The following GRIK4 variants were observed in gnomAD, a reference collection of about 807,000 sequenced individuals.
GRIK4 encodes glutamate ionotropic receptor kainate type subunit 4, also known as glutamate receptor ionotropic, kainate 4.
Under a neutral mutation model 104.9 loss-of-function variants are expected in GRIK4, and 40 were observed. The ratio of observed to expected loss-of-function variants is 0.38; its 90% CI spans 0.30 to 0.50. GRIK4 has a LOEUF of 0.50. Ranked by LOEUF, GRIK4 falls within the 20% of genes least tolerant of loss-of-function variation. GRIK4 has a pLI of 0.93. For synonymous variants in GRIK4, 485 were observed against 524.9 expected (o/e 0.92, Z 1.04); for missense variants, 1,047 against 1,308.1 (o/e 0.80, Z 3.08).
At chr11:120,824,440 C>T (rs1645588109) in intron 6 of GRIK4, among the ~76,000 whole-genome samples, 1 of 152,198 alleles carries the variant, frequency 6.6e-6, no homozygotes. Context: ...CGCGGATCTA[C>T]CTGTTGACCT....
chr11:120,679,699 G>C (rs1950159897), intron 3 of GRIK4, among the ~76,000 whole-genome samples: 1 of 152,190 alleles, frequency 6.6e-6, no homozygotes, highest in South Asian at 2.1e-4. Context: ...AACCTCCCCT[G>C]CCCACCTCAG....
At chr11:120,726,022 C>A (rs955054586) in intron 3 of GRIK4, among the ~76,000 whole-genome samples, 5 of 152,164 alleles carry the variant, frequency 3.3e-5, no homozygotes, top group Non-Finnish European at 4.4e-5. Flanking sequence ...GAAGGCTTCT[C>A]TGAGTTATAC....
In GRIK4 at chr11:120,875,160, G is replaced by A. The variant is rs760568696; in HGVS notation, c.1081G>A (p.Gly361Ser). ...LRMVELEGLTGHIEFNSKGQR... is the reference protein window; with the variant it reads ...LRMVELEGLTSHIEFNSKGQR... The stretch of plus-strand genomic sequence containing the variant: ...ACAGGTAGAATTGGAAGGTCTTACC[G>A]GCCACATTGAATTCAACAGCAAAGG... The change falls in exon 11 of 21, where the codon GGC becomes AGC. Residue 361 changes from glycine to serine, a missense_variant. Around this residue, in one of 3 missense-constraint regions of GRIK4, gnomAD observed 447 missense variants for 514.9 expected, o/e 0.87. Coordinates refer to ENST00000527524, the MANE Select transcript of GRIK4 (RefSeq NM_014619.5). 9 of 1,610,252 alleles carry A rather than the reference G, an allele frequency of 5.6e-6. No individual in the cohort carries two copies. Among genetic ancestry groups the A allele is most frequent in the South Asian group, 3.3e-5 (3 of 90,970 alleles).
chr11:120,720,671 T>C (rs1013263826), intron 3 of GRIK4, among the ~76,000 whole-genome samples: 5 of 152,074 alleles, frequency 3.3e-5, no homozygotes, highest in African/African-American at 1.2e-4. Flanking sequence ...GGATAGGCAA[T>C]TGTGATTTGA....
intron 19 of GRIK4, among the ~76,000 whole-genome samples, chr11:120,981,882 G>A (rs1280032949): frequency 6.6e-6 from 1 of 152,182 alleles, no homozygotes; most frequent in African/African-American, 2.4e-5. Flanking sequence ...TTGATGGCAA[G>A]ATCTCTCTCT....
chr11:120,946,431 C>T (rs2134667341), intron 14 of GRIK4, among the ~76,000 whole-genome samples: 1 of 152,310 alleles, frequency 6.6e-6, no homozygotes, highest in East Asian at 1.9e-4. Context: ...GAGGCTGAGG[C>T]AGGAGTATCA....
intron 1 of GRIK4, among the ~76,000 whole-genome samples, chr11:120,643,024 C>G (rs1949489666): frequency 6.6e-6 from 1 of 152,112 alleles, no homozygotes; most frequent in Non-Finnish European, 1.5e-5. Context: ...ACATGTTTCC[C>G]ATACTCATTC....
In GRIK4 at chr11:120,962,774, C is replaced by A. The variant is rs545337297; in HGVS notation, c.2266+93C>A. The A allele has an allele frequency of 1.1e-5, 9 of 793,326 alleles. No individual in the cohort carries two copies. The East Asian group carries it at 1.7e-4, about 15-fold the overall frequency. 49.1% of individuals were successfully genotyped at this position (793,326 alleles called of 1,614,324 possible). A position where few individuals can be genotyped will look rare whatever the true frequency, so the allele number is the denominator to read the frequency against. On this transcript the variant is annotated intron_variant, in intron 18 of 20. Coordinates refer to ENST00000527524, the MANE Select transcript of GRIK4 (RefSeq NM_014619.5). ...TGAATACAGCATTGAATCCAGTACC[C>A]CCTGTTGTTAGAACCAGTTTAACAG...
chr11:120,585,263 C>T (rs550570991), intron 1 of GRIK4, among the ~76,000 whole-genome samples: 1 of 152,234 alleles, frequency 6.6e-6, no homozygotes, highest in Non-Finnish European at 1.5e-5. Flanking sequence ...GTGCTGTGAA[C>T]ATGGGTACAC....
At chr11:120,916,306 C>A (rs1022677263) in intron 13 of GRIK4, among the ~76,000 whole-genome samples, 2 of 143,220 alleles carry the variant, frequency 1.4e-5, no homozygotes, top group African/African-American at 6.0e-5. Flanking sequence ...CAGATGCGAG[C>A]AGAAGTTATT....
intron 7 of GRIK4, among the ~76,000 whole-genome samples, chr11:120,834,619 G>A (rs1002782561): frequency 5.3e-5 from 8 of 152,210 alleles, no homozygotes; most frequent in Admixed American, 6.5e-5. Flanking sequence ...GGGAAGCAGA[G>A]TGGGCAGGGA....
At chr11:120,802,922 G>A (rs1952647659) in intron 4 of GRIK4, 65 bp downstream of exon 4, 2 of 1,379,108 alleles carry the variant, frequency 1.5e-6, no homozygotes, top group African/African-American at 2.8e-5. Flanking sequence ...AGTGGTGTGA[G>A]CTGCACCTAT....
At chr11:120,864,994 C>T (rs973829472) in intron 9 of GRIK4, among the ~76,000 whole-genome samples, 5 of 152,242 alleles carry the variant, frequency 3.3e-5, no homozygotes, top group African/African-American at 1.2e-4. Flanking sequence ...TATACCTGAC[C>T]ATCTTAGAGC....
chr11:120,784,935 C>T (rs1207853073), intron 3 of GRIK4, among the ~76,000 whole-genome samples: 1 of 152,150 alleles, frequency 6.6e-6, no homozygotes. Context: ...TCAGTAAATG[C>T]AAGTCAAATT....
chr11:120,890,130 AT>A (rs1158466349), intron 11 of GRIK4, among the ~76,000 whole-genome samples: 5 of 152,280 alleles, frequency 3.3e-5, no homozygotes, highest in African/African-American at 9.6e-5. Context: ...AAATGGTACC[AT>A]TATCTTATGT....
At chr11:120,647,785 C>T (rs531651315) in intron 1 of GRIK4, among the ~76,000 whole-genome samples, 27 of 152,310 alleles carry the variant, frequency 1.8e-4, no homozygotes, top group East Asian at 1.3e-3. Context: ...TCGCTGTGGC[C>T]GGGCATGCTG....
chr11:120,624,412 C>G (rs1949228816), intron 1 of GRIK4, among the ~76,000 whole-genome samples: 1 of 152,142 alleles, frequency 6.6e-6, no homozygotes, highest in African/African-American at 2.4e-5. Context: ...AAGCTAGGCT[C>G]TAGCTGAATT....
At chr11:120,677,624 G>C (rs1241987214) in intron 3 of GRIK4, among the ~76,000 whole-genome samples, 1 of 152,214 alleles carries the variant, frequency 6.6e-6, no homozygotes, top group Non-Finnish European at 1.5e-5. Context: ...CAGACTCTCA[G>C]ACATGAAGGA....
intron 1 of GRIK4, among the ~76,000 whole-genome samples, chr11:120,632,100 G>A (rs1486588545): frequency 6.6e-6 from 1 of 152,168 alleles, no homozygotes; most frequent in Non-Finnish European, 1.5e-5. Context: ...CAGTGTGATG[G>A]TATTAAGAAG....
Sources: allele counts gnomAD v4.1 joint callset (sites outside exome capture counted in the v4.1 genomes callset), GRCh38; gene constraint gnomAD v4.1.1; regional missense constraint gnomAD v4.1.1; transcripts MANE v1.5; gene names NCBI Gene and HGNC (gene_info 2026-07-23, HGNC 2026-07-21).